The following SDS variants were observed in gnomAD, a reference collection of about 807,000 sequenced individuals.
SDS encodes L-serine dehydratase/L-threonine deaminase.
Under a neutral mutation model 29.3 loss-of-function variants are expected in SDS, and 19 were observed. That is an observed-to-expected ratio of 0.65 (90% CI 0.45 to 0.95). The LOEUF (loss-of-function observed/expected upper bound fraction) is 0.95. SDS is among the 40% of genes least tolerant of loss of function. SDS has a pLI of 0.00. For missense variants in SDS, 375 were observed against 439.9 expected (o/e 0.85, Z 1.32); for synonymous variants, 176 against 189.0 (o/e 0.93, Z 0.56).
rs74237663 is a variant in SDS at position 113,396,956 on chromosome 12, C to T, written c.653+209G>A. The T allele has an allele frequency of 5.6e-4, 333 of 592,334 alleles. 5 individuals are homozygous for T. In the East Asian group the frequency reaches 8.4e-3, roughly 15 times the overall value. The allele number at this position is 592,334 out of a possible 1,614,324, so 36.7% of individuals were successfully genotyped here. ...GCCCAGCCTCATATGAGGCTTTTCA[C>T]GTGAGGAAGTGTGACATGTTGGAGT... is the stretch of plus-strand genomic sequence containing the variant. On this transcript the variant is annotated intron_variant, in intron 6 of 7. Transcript: ENST00000257549.
At position 113,397,304 on chromosome 12, in the gene SDS, G is replaced by C. The variant is rs1419003847; in HGVS notation, c.514C>G (p.Leu172Val). 1 of 1,613,994 alleles carries C rather than the reference G, an allele frequency of 6.2e-7. No homozygotes were observed. ...AIALSVGGGG[L>V]LCGVVQGLQE... Reference sequence around the variant, plus strand: ...AGCCCCTGGACCACTCCACACAGCAGGCCCCCGCCGCCCACTGACAGCGCG... The same window carrying C: ...AGCCCCTGGACCACTCCACACAGCACGCCCCCGCCGCCCACTGACAGCGCG... Residue 172 changes from leucine to valine, a missense_variant, in exon 6 of 8, where the codon CTG (leucine) becomes GTG (valine). Transcript: ENST00000257549.
rs1957664685 is a variant in SDS at position 113,398,732 on chromosome 12, C to T, written c.308G>A (p.Gly103Asp). Residue 103 changes from glycine (G) to aspartate (D), a missense_variant, in exon 4 of 8, where the codon GGT (glycine) becomes GAT (aspartate). By Grantham distance (94) the Gly-to-Asp change is moderately conservative (BLOSUM62 -1). Coordinates refer to ENST00000257549, the MANE Select transcript of SDS (RefSeq NM_006843.3). ...ALTIERLKNE[G>D]ATVKVVGELL... ...CTCACCCACCACCTTGACTGTGGCA[C>T]CTTCATTCTTGAGGCGCTCAATGGT... is the stretch of plus-strand genomic sequence containing the variant. The T allele has an allele frequency of 6.2e-7, 1 of 1,614,234 alleles. No homozygotes were observed. The highest frequency in any genetic ancestry group is 8.5e-7 in the Non-Finnish European group (1 of 1,180,030).
chr12:113,398,401 C>T, intron 5 of SDS, 114 bp downstream of exon 5: 1 of 710,512 alleles, frequency 1.4e-6, no homozygotes, highest in South Asian at 1.7e-5. Flanking sequence ...GGTGTGCGCA[C>T]ACATGTGCAG....
chr12:113,394,329 T>TTTGTTGTTGTTTTTTTG (rs71447218), intron 6 of SDS, among the ~76,000 whole-genome samples: 27 of 148,404 alleles, frequency 1.8e-4, no homozygotes, highest in African/African-American at 6.5e-4. Flanking sequence ...TGTTTGTTTT[T>TTTGTTGTTGTTTTTTTG]TTGTTGTTTT....
At chr12:113,401,755 G>T (rs369426349) in intron 1 of SDS, among the ~76,000 whole-genome samples, 12 of 152,226 alleles carry the variant, frequency 7.9e-5, no homozygotes, top group African/African-American at 2.9e-4. Flanking sequence ...GGGTGGCCCG[G>T]GGTCTAGCCA....
chr12:113,401,039 G>A (rs1298237308), intron 1 of SDS, among the ~76,000 whole-genome samples: 4 of 151,566 alleles, frequency 2.6e-5, no homozygotes, highest in African/African-American at 4.9e-5. Context: ...GCGTGAACCC[G>A]GGAGGCGGAG....
Position 113,393,993 on chromosome 12 carries a change from T to A in SDS, c.677A>T (p.Lys226Met). The change falls in exon 7 of 8, where the codon AAG (lysine) becomes ATG (methionine). Residue 226 changes from lysine to methionine, a missense_variant. Transcript: ENST00000257549. ...ITSVAKALGV[K>M]TVGAQALKLF... ...CTTCAGGGCCTGAGCCCCCACAGTCTTCACGCCCAGGGCCTTGGCAACACT... is the reference window on the plus strand; with the variant it reads ...CTTCAGGGCCTGAGCCCCCACAGTCATCACGCCCAGGGCCTTGGCAACACT... 1 of 1,613,856 alleles carries A rather than the reference T, an allele frequency of 6.2e-7. No individual in the cohort carries two copies. The highest frequency in any genetic ancestry group is 1.1e-5 in the South Asian group (1 of 91,062).
In SDS at chr12:113,392,843, G is replaced by C. The variant is rs1002658047; in HGVS notation, c.*98C>G. The C allele has an allele frequency of 1.7e-6, 2 of 1,167,644 alleles. No individual in the cohort carries two copies. Among genetic ancestry groups the C allele is most frequent in the Non-Finnish European group, 2.5e-6 (2 of 797,274 alleles). The allele number at this position is 1,167,644 out of a possible 1,614,324, so 72.3% of individuals were successfully genotyped here. ...GAAGTTAACCTGCACCCAGGCCACA[G>C]GTGCTCAGCCAAACATACGACGAGG... is the stretch of plus-strand genomic sequence containing the variant. On this transcript the variant is annotated 3_prime_UTR_variant, in exon 8 of 8. Transcript: ENST00000257549.
rs1382976102 is a variant in SDS, at chr12:113,399,576, T to TGCCCCG, written c.127_132dup (p.Arg43_Gly44dup). The TGCCCCG allele has an allele frequency of 6.3e-7, 1 of 1,596,044 alleles. No individual in the cohort carries two copies. Among genetic ancestry groups the TGCCCCG allele is most frequent in the Non-Finnish European group, 8.5e-7 (1 of 1,173,200 alleles). ...CGTACCCTCTTGCAGAAGTGCCCAATGCCCCGGATCTTGAAGGAGCCGGAG... is the reference window on the plus strand; with the variant it reads ...CGTACCCTCTTGCAGAAGTGCCCAATGCCCCGGCCCCGGATCTTGAAGGAGCCGGAG... On this transcript the variant is annotated inframe_insertion, in exon 2 of 8. Transcript: ENST00000257549.
At chr12:113,403,422 G>A (rs867925135) in intron 1 of SDS, among the ~76,000 whole-genome samples, 14 of 152,282 alleles carry the variant, frequency 9.2e-5, no homozygotes, top group South Asian at 2.1e-4. Context: ...TACTCGGGAG[G>A]CTGAGGCAGG....
intron 5 of SDS, 46 bp downstream of exon 5, chr12:113,398,469 G>T: frequency 8.2e-7 from 1 of 1,218,596 alleles, no homozygotes; most frequent in Non-Finnish European, 1.2e-6. Flanking sequence ...CAGTGATATA[G>T]GGCAGTGGCT....
intron 1 of SDS, among the ~76,000 whole-genome samples, chr12:113,402,700 C>T (rs985992674): frequency 3.3e-5 from 5 of 152,286 alleles, no homozygotes; most frequent in South Asian, 2.1e-4. Context: ...GGGTTTGGGG[C>T]GCCTCTCTCG....
At position 113,397,311 on chromosome 12, in the gene SDS, G is replaced by A. The variant is rs779714832; in HGVS notation, c.507C>T (p.Gly169=). 3.8e-5 allele frequency: 62 copies of A among 1,613,926 alleles called. No homozygotes were observed. Among genetic ancestry groups the A allele is most frequent in the East Asian group, 6.7e-5 (3 of 44,898 alleles). The change falls in exon 6 of 8, where the codon GGC becomes GGT. Residue 169 remains glycine, a synonymous_variant. Transcript: ENST00000257549. ...KPGAIALSVG[G]GGLLCGVVQG... is the part of the protein sequence containing the mutation. ...GGACCACTCCACACAGCAGGCCCCC[G>A]CCGCCCACTGACAGCGCGATGGCCC...
chr12:113,393,289 G>T, intron 7 of SDS, 140 bp from the exon 8 acceptor site: 1 of 827,130 alleles, frequency 1.2e-6, no homozygotes, highest in East Asian at 2.6e-5. Flanking sequence ...TGAACCAAAC[G>T]TCCCGTCATC....
Position 113,392,752 on chromosome 12 carries a change from A to T in SDS, c.*189T>A. The T allele has an allele frequency of 6.1e-6, 4 of 655,778 alleles. No homozygotes were observed. Among genetic ancestry groups the T allele is most frequent in the South Asian group, 5.3e-5 (3 of 56,190 alleles). The allele number at this position is 655,778 out of a possible 1,614,324, so 40.6% of individuals were successfully genotyped here. ...CAGAGCAGTCACACAGATACCAAAA[A>T]GGTCCAATTCATAGCCTCGCTGGCT... On this transcript the variant is annotated 3_prime_UTR_variant, in exon 8 of 8. Transcript: ENST00000257549.
rs1040654106 is a variant in SDS, at chr12:113,394,125, C to T, written c.654-109G>A. 3.8e-6 allele frequency: 4 copies of T among 1,047,574 alleles called. No homozygotes were observed. The African/African-American group carries it at 6.4e-5, about 17-fold the overall frequency. The allele number at this position is 1,047,574 out of a possible 1,614,324, so 64.9% of individuals were successfully genotyped here. A position where few individuals can be genotyped will look rare whatever the true frequency, so the allele number is the denominator to read the frequency against. On this transcript the variant is annotated intron_variant, in intron 6 of 7. Transcript: ENST00000257549. ...ATGTGAGACAGAGAAGGCAATGCAT[C>T]TGGGGGCAGGGGGACAGGTATCACC...
chr12:113,398,903 A>C (rs1416369554), intron 3 of SDS, 57 bp from the exon 4 acceptor site: 1 of 1,549,632 alleles, frequency 6.5e-7, no homozygotes, highest in Non-Finnish European at 8.7e-7. Flanking sequence ...GAGCCCAGGC[A>C]GGACTGCGTA....
chr12:113,395,285 TC>T (rs1380262437), intron 6 of SDS, among the ~76,000 whole-genome samples: 1 of 152,174 alleles, frequency 6.6e-6, no homozygotes, highest in Non-Finnish European at 1.5e-5. Flanking sequence ...CTGAGCCACC[TC>T]AGCCCTCAGC....
chr12:113,393,336 TG>T (rs1957623583), intron 7 of SDS, among the ~76,000 whole-genome samples, 187 bp from the exon 8 acceptor site: 1 of 152,230 alleles, frequency 6.6e-6, no homozygotes, highest in South Asian at 2.1e-4. Flanking sequence ...AGCCAGGGCC[TG>T]GGTTTCATCA....
Sources: allele counts gnomAD v4.1 joint callset (sites outside exome capture counted in the v4.1 genomes callset), GRCh38; gene constraint gnomAD v4.1.1; transcripts MANE v1.5; gene names NCBI Gene and HGNC (gene_info 2026-07-23, HGNC 2026-07-21).